PTK2: variants seen among roughly 807,000 people sequenced by gnomAD.
PTK2 encodes the protein protein tyrosine kinase 2.
A neutral mutation model predicts 150.1 loss-of-function variants in PTK2; 45 were observed. That is an observed-to-expected ratio of 0.30 (90% CI 0.24 to 0.38). The LOEUF (loss-of-function observed/expected upper bound fraction) is 0.38, where lower values mean the gene tolerates loss of function less well. Among genes scored for constraint, PTK2 ranks in the 10% least tolerant of loss-of-function variants. PTK2 has a pLI of 1.00. For synonymous variants in PTK2, 432 were observed against 449.2 expected, an observed-to-expected ratio of 0.96 and a Z score of 0.48; for missense variants, 919 against 1,307.3, an observed-to-expected ratio of 0.70 and a Z score of 4.58.
chr8:140,867,934 T>C (rs1317510396), intron 4 of PTK2, among the ~76,000 whole-genome samples: 2 of 152,192 alleles, frequency 1.3e-5, no homozygotes, highest in African/African-American at 2.4e-5. Flanking sequence ...ACATGTCTGT[T>C]TGCCATTTTA....
chr8:140,714,383 C>T (rs546636898), intron 23 of PTK2, among the ~76,000 whole-genome samples: 22 of 151,060 alleles, frequency 1.5e-4, no homozygotes, highest in African/African-American at 5.1e-4. Flanking sequence ...CTCTGGAGGC[C>T]GAAGCAAAGG....
intron 5 of PTK2, among the ~76,000 whole-genome samples, chr8:140,852,532 T>C (rs778888869): frequency 5.9e-5 from 9 of 152,226 alleles, no homozygotes; most frequent in Non-Finnish European, 1.2e-4. Context: ...CTTATTCCTA[T>C]ATTGTATTAT....
chr8:140,979,421 G>A (rs926621705), intron 1 of PTK2, among the ~76,000 whole-genome samples: 26 of 144,834 alleles, frequency 1.8e-4, no homozygotes, highest in African/African-American at 5.4e-4. Context: ...AAAAAGGCCA[G>A]AAACTTAATA....
At chr8:140,710,842 G>A (rs2100036397) in intron 23 of PTK2, among the ~76,000 whole-genome samples, 1 of 152,212 alleles carries the variant, frequency 6.6e-6, no homozygotes, top group Non-Finnish European at 1.5e-5. Flanking sequence ...TGCTTTCCAT[G>A]ATCACACAAT....
intron 2 of PTK2, among the ~76,000 whole-genome samples, chr8:140,903,880 T>C (rs976447058): frequency 6.6e-6 from 1 of 152,224 alleles, no homozygotes; most frequent in Non-Finnish European, 1.5e-5. Context: ...GCTTATCAGC[T>C]TAAGGAGATT....
At chr8:140,674,305 C>T in exon 29 of PTK2, 1 of 1,604,348 alleles carries the variant, frequency 6.2e-7, no homozygotes, top group Non-Finnish European at 8.5e-7. Context: ...CACCTTGACA[C>T]CCTCGTTGTA....
chr8:140,685,874 C>T (rs1051624261), intron 27 of PTK2, among the ~76,000 whole-genome samples: 3 of 152,138 alleles, frequency 2.0e-5, no homozygotes, highest in African/African-American at 7.2e-5. Context: ...CCCAGCAATC[C>T]CCTTATTGGG....
rs761920014 is a variant in PTK2 at position 140,819,023 on chromosome 8, G to A, written c.649-3C>T. 6.2e-7 allele frequency: 1 copy of A among 1,609,168 alleles called. No homozygotes were observed. Among genetic ancestry groups the A allele is most frequent in the South Asian group, 1.1e-5 (1 of 90,068 alleles). On this transcript the variant is annotated splice_region_variant and splice_polypyrimidine_tract_variant and intron_variant, in intron 8 of 31. Coordinates refer to ENST00000522684, the Ensembl canonical transcript of PTK2. ...ATCAGTTTTCTTAGTGTTTTGGCCT[G>A]CATGACAAAATTACCAAAACATCTT...
At chr8:140,708,936 T>C (rs371891487) in intron 23 of PTK2, among the ~76,000 whole-genome samples, 2 of 150,026 alleles carry the variant, frequency 1.3e-5, no homozygotes, top group East Asian at 1.9e-4. Context: ...GAGCTGACAG[T>C]TGCACAGTGA....
intron 1 of PTK2, among the ~76,000 whole-genome samples, chr8:140,937,585 TAAA>T (rs35149796): frequency 1.5e-4 from 20 of 130,170 alleles, no homozygotes; most frequent in African/African-American, 5.5e-4. Flanking sequence ...AAGTAAACAA[TAAA>T]AAAAAAAAAA....
chr8:140,787,543 G>C (rs1009512227), intron 14 of PTK2, among the ~76,000 whole-genome samples: 3 of 152,204 alleles, frequency 2.0e-5, no homozygotes, highest in African/African-American at 7.2e-5. Flanking sequence ...CAAGTTTGGT[G>C]ATGACCAGCT....
chr8:140,981,598 A>AT (rs1156676044), intron 1 of PTK2, among the ~76,000 whole-genome samples: 1 of 152,258 alleles, frequency 6.6e-6, no homozygotes, highest in Admixed American at 6.5e-5. Context: ...TGAGCTAAAA[A>AT]TGGTTTTACA....
intron 1 of PTK2, among the ~76,000 whole-genome samples, chr8:140,970,928 T>C (rs939440285): frequency 1.3e-4 from 20 of 151,662 alleles, no homozygotes; most frequent in Non-Finnish European, 2.9e-5. Context: ...TGCTTAAGAC[T>C]ATAAGCTTTT....
At chr8:140,811,699 T>A (rs148644727) in intron 10 of PTK2, among the ~76,000 whole-genome samples, 4 of 151,796 alleles carry the variant, frequency 2.6e-5, no homozygotes, top group African/African-American at 7.3e-5. Flanking sequence ...AGAGAAAAAA[T>A]AGCCAGAATA....
chr8:140,868,731 A>G (rs1400734434), intron 4 of PTK2, among the ~76,000 whole-genome samples: 1 of 152,204 alleles, frequency 6.6e-6, no homozygotes, highest in Admixed American at 6.5e-5. Context: ...TGAAGAACAC[A>G]ATACAAATAA....
At chr8:140,757,213 C>T (rs2100066362) in intron 16 of PTK2, among the ~76,000 whole-genome samples, 1 of 152,082 alleles carries the variant, frequency 6.6e-6, no homozygotes. Context: ...TAGTTACATT[C>T]CAGTAATGTA....
In PTK2 at chr8:140,723,778, T is replaced by C. The variant is rs115615996; in HGVS notation, c.2031-6069A>G. ...TGTCATTTAACAAACATTAGCACAA[T>C]GATAATTACACTTTATTGATCCACG... On this transcript the variant is annotated intron_variant, in intron 22 of 31. Coordinates refer to ENST00000522684, the Ensembl canonical transcript of PTK2. Among the ~76,000 whole-genome samples the C allele has an allele frequency of 4.5e-3, 684 of 152,282 alleles. 4 individuals are homozygous for C. The highest frequency in any genetic ancestry group is 0.016 in the African/African-American group (647 of 41,552).
chr8:140,670,401 G>C (rs2094832990), intron 29 of PTK2: 1 of 140,508 alleles, frequency 7.1e-6, no homozygotes, highest in South Asian at 2.5e-4. Context: ...AGGTTGCAGT[G>C]AGCTGAGATT....
chr8:140,879,676 G>GAAAAAAAAAAAAAAAAAAAAAAAAC (rs2100147793), intron 3 of PTK2, 39 bp from the exon 4 acceptor site: 1 of 31,602 alleles, frequency 3.2e-5, no homozygotes, highest in Non-Finnish European at 4.8e-5. Flanking sequence ...GTTATAAACT[G>GAAAAAAAAAAAAAAAAAAAAAAAAC]AAAAAAAAAA....
Sources: gnomAD v4.1 joint callset for allele counts (sites outside exome capture counted in the v4.1 genomes callset) on GRCh38, gnomAD v4.1.1 for gene constraint, MANE v1.5 for transcripts, NCBI Gene and HGNC (gene_info 2026-07-23, HGNC 2026-07-21) for gene names.